The following PDE3A variants were observed in gnomAD, a reference collection of about 807,000 sequenced individuals.
PDE3A encodes phosphodiesterase 3A, also known as cGMP-inhibited 3',5'-cyclic phosphodiesterase 3A.
Under a neutral mutation model 98.3 loss-of-function variants are expected in PDE3A, and 43 were observed. That is an observed-to-expected ratio of 0.44 (90% CI 0.34 to 0.56). PDE3A has a LOEUF of 0.56. Ranked by LOEUF, PDE3A falls within the 20% of genes least tolerant of loss-of-function variation. The probability of loss-of-function intolerance (pLI) is 0.01; values close to 1 mark genes in which losing one functional copy is unlikely to be tolerated. For synonymous variants in PDE3A, 663 were observed against 567.9 expected (o/e 1.17, Z -2.38); for missense variants, 1,427 against 1,440.7 (o/e 0.99, Z 0.15).
At chr12:20,522,363 A>C (rs1198832691) in intron 1 of PDE3A, among the ~76,000 whole-genome samples, 1 of 152,208 alleles carries the variant, frequency 6.6e-6, no homozygotes, top group Non-Finnish European at 1.5e-5. Flanking sequence ...GACCTATTGA[A>C]TCTGAAACTC....
intron 15 of PDE3A, among the ~76,000 whole-genome samples, chr12:20,678,224 T>TC (rs1301323033): frequency 6.6e-6 from 1 of 152,210 alleles, no homozygotes; most frequent in African/African-American, 2.4e-5. Context: ...TTTCCTCATA[T>TC]TTTAGGGAGC....
chr12:20,573,185 AAAAG>A (rs1436942120), intron 2 of PDE3A, among the ~76,000 whole-genome samples: 1 of 152,182 alleles, frequency 6.6e-6, no homozygotes, highest in East Asian at 1.9e-4. Context: ...AATTAAAGGA[AAAAG>A]AAAGCAACAT....
chr12:20,449,967 G>A, intron 1 of PDE3A: 8 of 734,910 alleles, frequency 1.1e-5, no homozygotes, highest in Non-Finnish European at 1.9e-5. Context: ...ATGGAGGGTT[G>A]TCAGGAACAA....
chr12:20,560,398 C>A (rs1942484071), intron 2 of PDE3A, among the ~76,000 whole-genome samples: 1 of 152,012 alleles, frequency 6.6e-6, no homozygotes, highest in Admixed American at 6.5e-5. Flanking sequence ...GTAGTTACAC[C>A]AAGGAGAGGA....
chr12:20,374,121 AAATT>A (rs1465732333), intron 1 of PDE3A, among the ~76,000 whole-genome samples: 2 of 152,140 alleles, frequency 1.3e-5, no homozygotes, highest in African/African-American at 2.4e-5. Flanking sequence ...GACAGAATTA[AAATT>A]AATTAATGTC....
chr12:20,401,939 T>A (rs891789177), intron 1 of PDE3A, among the ~76,000 whole-genome samples: 2 of 152,182 alleles, frequency 1.3e-5, no homozygotes, highest in Non-Finnish European at 2.9e-5. Flanking sequence ...TTAGATAATA[T>A]CTTAAGTATA....
chr12:20,587,791 G>A (rs1457775076), intron 2 of PDE3A, among the ~76,000 whole-genome samples: 1 of 152,198 alleles, frequency 6.6e-6, no homozygotes, highest in Non-Finnish European at 1.5e-5. Flanking sequence ...TGATCAAAGT[G>A]AGAATGTGTT....
chr12:20,520,686 GT>G (rs569781493), intron 1 of PDE3A, among the ~76,000 whole-genome samples: 28 of 152,308 alleles, frequency 1.8e-4, no homozygotes, highest in African/African-American at 6.7e-4. Context: ...TTGGCCCAAG[GT>G]TTGATGATCC....
chr12:20,435,756 A>G (rs1241735228), intron 1 of PDE3A, among the ~76,000 whole-genome samples: 1 of 152,196 alleles, frequency 6.6e-6, no homozygotes, highest in African/African-American at 2.4e-5. Context: ...AGTTGTTTTT[A>G]TACTGTCATA....
At chr12:20,624,739 C>T (rs1481967545) in intron 5 of PDE3A, among the ~76,000 whole-genome samples, 1 of 152,198 alleles carries the variant, frequency 6.6e-6, no homozygotes, top group Admixed American at 6.6e-5. Flanking sequence ...ACACATCTAT[C>T]AAGAATCAGA....
intron 1 of PDE3A, among the ~76,000 whole-genome samples, chr12:20,427,661 T>G (rs770738413): frequency 6.6e-5 from 10 of 152,122 alleles, no homozygotes; most frequent in Non-Finnish European, 1.2e-4. Flanking sequence ...TTTATATTTT[T>G]TATAGGAAAC....
chr12:20,644,832 C>CCCTCCT (rs1182576594), intron 10 of PDE3A, among the ~76,000 whole-genome samples: 3 of 147,518 alleles, frequency 2.0e-5, no homozygotes, highest in African/African-American at 7.5e-5. Context: ...CTCCTCCTTC[C>CCCTCCT]CCTCCTCCTC....
chr12:20,685,437 A>AT lies in PDE3A; in HGVS notation c.*5172dup, dbSNP rs1018982210. 1.8e-4 allele frequency among the ~76,000 whole-genome samples: 26 copies of AT among 146,210 alleles called. No homozygotes were observed. The highest frequency in any genetic ancestry group is 3.5e-4 in the Non-Finnish European group (23 of 66,204). On this transcript the variant is annotated 3_prime_UTR_variant, in exon 16 of 16. Coordinates refer to ENST00000359062, the MANE Select transcript of PDE3A (RefSeq NM_000921.5). ...AAAAAAAAAAAAAAAAAAAAAGAAC[A>AT]TTTTTTGGCAAAATATGAAGACACG...
At position 20,628,597 on chromosome 12, in the gene PDE3A, T is replaced by C. The variant is rs78375150; in HGVS notation, c.1541-1311T>C. 1.7e-3 allele frequency among the ~76,000 whole-genome samples: 260 copies of C among 152,218 alleles called. 1 individual carries two copies. Among genetic ancestry groups the C allele is most frequent in the East Asian group, 6.2e-3 (32 of 5,186 alleles). On this transcript the variant is annotated intron_variant, in intron 5 of 15. Coordinates refer to ENST00000359062, the MANE Select transcript of PDE3A (RefSeq NM_000921.5). ...ACCTCTCTGGGTCTAAGTGGTTTCG[T>C]TTGCTTAGTATAAAGGCTGGGAGGG...
At chr12:20,497,516 A>T (rs1222125123) in intron 1 of PDE3A, among the ~76,000 whole-genome samples, 1 of 151,170 alleles carries the variant, frequency 6.6e-6, no homozygotes, top group Non-Finnish European at 1.5e-5. Flanking sequence ...CATAGGTTCT[A>T]CAAATTGTGC....
intron 1 of PDE3A, among the ~76,000 whole-genome samples, chr12:20,447,135 G>A (rs1216130750): frequency 6.6e-6 from 1 of 152,188 alleles, no homozygotes; most frequent in Admixed American, 6.6e-5. Flanking sequence ...GGCAAAGGAG[G>A]CAGCATGAGA....
In PDE3A at chr12:20,552,178, A is replaced by G; in HGVS notation, c.961-4482A>G. 1 of 1,613,806 alleles carries G rather than the reference A, an allele frequency of 6.2e-7. No individual in the cohort carries two copies. Among genetic ancestry groups the G allele is most frequent in the South Asian group, 1.1e-5 (1 of 91,058 alleles). On this transcript the variant is annotated intron_variant, in intron 1 of 15. Coordinates refer to ENST00000359062, the MANE Select transcript of PDE3A (RefSeq NM_000921.5). The surrounding 1 kb of genome is among the most constrained non-coding windows in gnomAD (Gnocchi z 5.1). ...GGCTCTCAACTGCTTTGCTCCCATC[A>G]ATGACCAAGAAGGGGCCGAGGCCAA... is the stretch of plus-strand genomic sequence containing the variant.
intron 1 of PDE3A, among the ~76,000 whole-genome samples, chr12:20,485,280 TTTTTA>T (rs1945706177): frequency 6.6e-6 from 1 of 152,160 alleles, no homozygotes; most frequent in Non-Finnish European, 1.5e-5. Flanking sequence ...CCCATGCCTC[TTTTTA>T]TATGTCTGTC....
intron 2 of PDE3A, among the ~76,000 whole-genome samples, chr12:20,580,107 C>A (rs1943030967): frequency 6.6e-6 from 1 of 152,096 alleles, no homozygotes; most frequent in African/African-American, 2.4e-5. Context: ...TAGTTAGCAT[C>A]AGAGAAGTAT....
Sources: gnomAD v4.1 joint callset for allele counts (sites outside exome capture counted in the v4.1 genomes callset) on GRCh38, gnomAD v4.1.1 for gene constraint, Gnocchi (gnomAD v3.1) non-coding constraint, MANE v1.5 for transcripts, NCBI Gene and HGNC (gene_info 2026-07-23, HGNC 2026-07-21) for gene names.